SHTN1: variants seen among roughly 807,000 people sequenced by gnomAD.
The protein encoded by SHTN1 is shootin-1.
In SHTN1, 42 loss-of-function variants were observed where a neutral mutation model predicts 83.1. The ratio of observed to expected loss-of-function variants is 0.51; its 90% CI spans 0.39 to 0.65. The LOEUF is 0.65. Ranked by LOEUF, SHTN1 falls within the 30% of genes least tolerant of loss-of-function variation. The pLI is 0.00. For missense variants in SHTN1, 622 were observed against 737.8 expected (o/e 0.84, Z 1.82); for synonymous variants, 224 against 247.7 (o/e 0.90, Z 0.90).
chr10:116,995,937 T>C (rs1301743043), intron 1 of SHTN1, among the ~76,000 whole-genome samples: 3 of 152,164 alleles, frequency 2.0e-5, no homozygotes, highest in African/African-American at 7.2e-5. Flanking sequence ...CAATCTGATG[T>C]TGAGTCCTAA....
chr10:116,910,068 T>C (rs1848129426), intron 14 of SHTN1, among the ~76,000 whole-genome samples: 1 of 152,166 alleles, frequency 6.6e-6, no homozygotes, highest in South Asian at 2.1e-4. Flanking sequence ...AAGACCCAAA[T>C]GTCTGGCAGG....
intron 2 of SHTN1, among the ~76,000 whole-genome samples, chr10:117,018,507 TA>T (rs749150327): frequency 0.01 from 1,330 of 129,464 alleles, 16 homozygotes; most frequent in African/African-American, 0.031. Flanking sequence ...GTATTTTTTT[TA>T]AAAAAAAAAA....
chr10:117,002,303 G>A lies in SHTN1; in HGVS notation c.58+2719C>T, dbSNP rs569684801. Among the ~76,000 whole-genome samples the A allele has an allele frequency of 3.3e-5, 5 of 152,254 alleles. No homozygotes were observed. In the South Asian group the frequency reaches 1.0e-3, roughly 32 times the overall value. On this transcript the variant is annotated intron_variant, in intron 1 of 16. Transcript: ENST00000355371. ...TTCTAGAAAATTAATTTGGTGACAA[G>A]GACTGTGTAGTTCACTATTTACACC...
chr10:117,069,405 G>A (rs1258917084), intron 1 of SHTN1, among the ~76,000 whole-genome samples: 2 of 152,042 alleles, frequency 1.3e-5, no homozygotes, highest in Non-Finnish European at 2.9e-5. Flanking sequence ...CTGAAGGGGA[G>A]GTGAGGAGAG....
At chr10:116,931,468 C>T (rs570870233) in intron 9 of SHTN1, among the ~76,000 whole-genome samples, 4 of 152,208 alleles carry the variant, frequency 2.6e-5, no homozygotes, top group South Asian at 2.1e-4. Flanking sequence ...AGGCTGGTTT[C>T]GAACTCCTGG....
At chr10:116,935,301 T>C (rs1392763843) in intron 9 of SHTN1, among the ~76,000 whole-genome samples, 1 of 152,222 alleles carries the variant, frequency 6.6e-6, no homozygotes, top group South Asian at 2.1e-4. Context: ...GGCAGTGGGT[T>C]TGTCATAAAT....
At chr10:117,096,529 C>T (rs1853505161) in intron 1 of SHTN1, among the ~76,000 whole-genome samples, 2 of 152,194 alleles carry the variant, frequency 1.3e-5, no homozygotes, top group South Asian at 4.1e-4. Context: ...TGAGAGCATC[C>T]TTGATGGAAT....
At chr10:116,964,699 G>A (rs1308138754) in intron 3 of SHTN1, among the ~76,000 whole-genome samples, 1 of 152,146 alleles carries the variant, frequency 6.6e-6, no homozygotes, top group Non-Finnish European at 1.5e-5. Flanking sequence ...AGACATGAAA[G>A]GGGCTGGGCG....
rs754935679 is a variant in SHTN1, at chr10:116,881,526, G to T, written c.*4818C>A. The T allele has an allele frequency of 6.5e-7, 1 of 1,542,476 alleles. No homozygotes were observed. The highest frequency in any genetic ancestry group is 1.4e-5 in the African/African-American group (1 of 72,532). ...GTTACTTTAAATAGGTTTCAAAGAA[G>T]AACACACTTTTTTTTACTTTAATGA... On this transcript the variant is annotated 3_prime_UTR_variant, in exon 17 of 17. Transcript: ENST00000355371.
intron 2 of SHTN1, among the ~76,000 whole-genome samples, chr10:117,027,412 G>A (rs1852347533): frequency 6.6e-6 from 1 of 152,300 alleles, no homozygotes; most frequent in South Asian, 2.1e-4. Context: ...AAGCTGAGCA[G>A]ATACCAGCAT....
intron 2 of SHTN1, among the ~76,000 whole-genome samples, chr10:117,039,738 A>G (rs1852555926): frequency 6.6e-6 from 1 of 151,896 alleles, no homozygotes; most frequent in South Asian, 2.1e-4. Flanking sequence ...CTGTAGTCCC[A>G]GCTACTCGGG....
intron 5 of SHTN1, 45 bp downstream of exon 5, chr10:116,953,997 T>C: frequency 6.6e-7 from 1 of 1,510,746 alleles, no homozygotes; most frequent in Non-Finnish European, 9.0e-7. Context: ...AGCACTATCA[T>C]AACGGGGTAA....
intron 5 of SHTN1, among the ~76,000 whole-genome samples, chr10:116,953,676 G>A (rs560643859): frequency 3.9e-4 from 53 of 137,284 alleles, no homozygotes; most frequent in African/African-American, 1.2e-3. Context: ...CGCTCAGGCT[G>A]GAGTGCAACG....
chr10:116,950,286 C>T (rs1340541257), intron 6 of SHTN1, among the ~76,000 whole-genome samples: 2 of 152,092 alleles, frequency 1.3e-5, no homozygotes, highest in South Asian at 2.1e-4. Context: ...CACCTCAGCC[C>T]TCTGAGTAGC....
chr10:117,020,415 C>T (rs1852242915), intron 2 of SHTN1, among the ~76,000 whole-genome samples: 1 of 150,846 alleles, frequency 6.6e-6, no homozygotes, highest in African/African-American at 2.4e-5. Flanking sequence ...AGGAGAATCA[C>T]TTGGAACCTG....
At chr10:117,019,503 A>G (rs1258465450) in intron 2 of SHTN1, among the ~76,000 whole-genome samples, 1 of 152,164 alleles carries the variant, frequency 6.6e-6, no homozygotes, top group African/African-American at 2.4e-5. Flanking sequence ...TTTAAAAAAA[A>G]ATAGCTTTAA....
At chr10:116,906,527 T>C in intron 15 of SHTN1, 100 bp downstream of exon 15, 1 of 1,230,222 alleles carries the variant, frequency 8.1e-7, no homozygotes, top group Non-Finnish European at 1.1e-6. Context: ...ACAAATATTT[T>C]AATAATACTT....
At chr10:117,057,248 G>T (rs552690840) in intron 1 of SHTN1, among the ~76,000 whole-genome samples, 2 of 152,138 alleles carry the variant, frequency 1.3e-5, no homozygotes, top group South Asian at 2.1e-4. Context: ...AGTAAATTGC[G>T]GGTTAATTTT....
intron 2 of SHTN1, among the ~76,000 whole-genome samples, chr10:117,024,269 C>G (rs1466739615): frequency 6.6e-6 from 1 of 150,722 alleles, no homozygotes; most frequent in Non-Finnish European, 1.5e-5. Flanking sequence ...GAGCATGAAG[C>G]AATTTTCTGG....
Sources: allele counts gnomAD v4.1 joint callset (sites outside exome capture counted in the v4.1 genomes callset), GRCh38; gene constraint gnomAD v4.1.1; transcripts MANE v1.5; gene names NCBI Gene and HGNC (gene_info 2026-07-23, HGNC 2026-07-21).